PRIM2: variants seen among roughly 807,000 people sequenced by gnomAD.
The protein encoded by PRIM2 is DNA primase subunit 2.
PRIM2 carries 39 observed loss-of-function variants against 67.3 expected under a neutral mutation model. The observed-to-expected ratio is 0.58, with a 90% confidence interval of 0.45 to 0.76. PRIM2 has a LOEUF of 0.76. PRIM2 is among the 30% of genes least tolerant of loss of function. PRIM2 has a pLI of 0.00. For synonymous variants in PRIM2, 143 were observed against 198.7 expected, an observed-to-expected ratio of 0.72 and a Z score of 2.36; for missense variants, 398 against 598.7, an observed-to-expected ratio of 0.66 and a Z score of 3.50.
chr6:57,393,136 T>G lies in PRIM2; in HGVS notation c.693+10968T>G, dbSNP rs1464254326. Reference sequence around the variant, plus strand: ...TAAACATGCATGTGCAAATACCTTTTTCGAATAATGACTTCTTTTCCTCTG... The same window carrying G: ...TAAACATGCATGTGCAAATACCTTTGTCGAATAATGACTTCTTTTCCTCTG... On this transcript the variant is annotated intron_variant, in intron 7 of 13. Coordinates refer to ENST00000615550, the MANE Select transcript of PRIM2 (RefSeq NM_000947.5). Among the ~76,000 whole-genome samples the G allele has an allele frequency of 3.4e-5, 5 of 149,110 alleles. No individual in the cohort carries two copies. In the East Asian group the frequency reaches 9.6e-4, roughly 29 times the overall value.
chr6:57,344,481 A>C (rs1322679982), intron 5 of PRIM2, among the ~76,000 whole-genome samples: 1 of 151,628 alleles, frequency 6.6e-6, no homozygotes, highest in East Asian at 1.9e-4. Flanking sequence ...TAGAAAGAGC[A>C]CTGTGTATTT....
the PRIM2 span, among the ~76,000 whole-genome samples, chr6:57,273,405 C>T: frequency 6.6e-6 from 1 of 152,226 alleles, no homozygotes; most frequent in Non-Finnish European, 1.5e-5. Context: ...AGCCTATCTT[C>T]CAGTTGATCA....
chr6:57,360,715 C>T (rs1247369961), intron 5 of PRIM2, among the ~76,000 whole-genome samples: 2 of 152,110 alleles, frequency 1.3e-5, no homozygotes, highest in Non-Finnish European at 2.9e-5. Flanking sequence ...AGGCAAGAAA[C>T]AAAGTGAACA....
At chr6:57,504,551 T>A (rs1205694394) in intron 7 of PRIM2, among the ~76,000 whole-genome samples, 44 of 152,318 alleles carry the variant, frequency 2.9e-4, no homozygotes, top group African/African-American at 1.0e-3. Flanking sequence ...AAATAGGCTA[T>A]AAGTTATGCC....
At chr6:57,535,279 G>A (rs1240162659) in intron 9 of PRIM2, among the ~76,000 whole-genome samples, 1 of 152,252 alleles carries the variant, frequency 6.6e-6, no homozygotes, top group African/African-American at 2.4e-5. Flanking sequence ...GCATGACTGC[G>A]TGGTCATGGG....
the PRIM2 span, among the ~76,000 whole-genome samples, chr6:57,297,502 C>A: frequency 1.3e-5 from 2 of 152,102 alleles, no homozygotes; most frequent in Admixed American, 6.6e-5. Flanking sequence ...ATAATTGTTT[C>A]AATCAAGAAT....
intron 7 of PRIM2, among the ~76,000 whole-genome samples, chr6:57,462,815 C>T (rs1487825398): frequency 6.6e-6 from 1 of 152,154 alleles, no homozygotes; most frequent in African/African-American, 2.4e-5. Flanking sequence ...CAGTTATTAT[C>T]TGATTCCTCT....
chr6:57,431,911 T>C (rs1305445120), intron 7 of PRIM2, among the ~76,000 whole-genome samples: 24 of 152,162 alleles, frequency 1.6e-4, no homozygotes, highest in Admixed American at 9.8e-4. Flanking sequence ...ATTTTGGACT[T>C]AGTAAAATTG....
chr6:57,277,108 G>C, the PRIM2 span, among the ~76,000 whole-genome samples: 1 of 152,158 alleles, frequency 6.6e-6, no homozygotes, highest in South Asian at 2.1e-4. Flanking sequence ...GTTACCATCA[G>C]AGAGACTCAG....
chr6:57,386,045 T>C (rs1212064390), intron 7 of PRIM2, among the ~76,000 whole-genome samples: 1 of 151,908 alleles, frequency 6.6e-6, no homozygotes, highest in African/African-American at 2.4e-5. Context: ...TTGTAGGGTA[T>C]TGAGTATATC....
chr6:57,222,382 C>A, the PRIM2 span: 1 of 152,384 alleles, frequency 6.6e-6, no homozygotes, highest in Non-Finnish European at 1.5e-5. Context: ...GGGTGGCTGG[C>A]GGCGGCTCAG....
intron 8 of PRIM2, among the ~76,000 whole-genome samples, chr6:57,510,245 T>C (rs1243189898): frequency 2.0e-4 from 31 of 152,328 alleles, no homozygotes; most frequent in African/African-American, 7.2e-4. Context: ...AGGTATTATA[T>C]GTTTTGTTGA....
At chr6:57,292,520 A>G in the PRIM2 span, among the ~76,000 whole-genome samples, 5 of 152,230 alleles carry the variant, frequency 3.3e-5, no homozygotes, top group Non-Finnish European at 2.9e-5. Context: ...TGGAATCAAA[A>G]AAGAGCCCAC....
chr6:57,396,507 C>G (rs1770519733), intron 7 of PRIM2, among the ~76,000 whole-genome samples: 1 of 152,156 alleles, frequency 6.6e-6, no homozygotes, highest in Non-Finnish European at 1.5e-5. Context: ...CATGAAATGC[C>G]TTATTCCACC....
chr6:57,512,660 T>C (rs1210407615), intron 8 of PRIM2, among the ~76,000 whole-genome samples: 2 of 152,134 alleles, frequency 1.3e-5, no homozygotes, highest in Non-Finnish European at 1.5e-5. Flanking sequence ...TGCAATGGCA[T>C]GATCTCAGCT....
chr6:57,620,482 A>G (rs2127496782), intron 12 of PRIM2, among the ~76,000 whole-genome samples: 1 of 152,322 alleles, frequency 6.6e-6, no homozygotes, highest in East Asian at 1.9e-4. Flanking sequence ...ATATGAAGGA[A>G]AGATAACAGT....
At chr6:57,245,973 ATTTTGTGCCAACAGACTATTAT>A in the PRIM2 span, among the ~76,000 whole-genome samples, 2 of 152,212 alleles carry the variant, frequency 1.3e-5, no homozygotes, top group African/African-American at 4.8e-5. Context: ...TCTAATTCTG[ATTTTGTGCCAACAGACTATTAT>A]TTTTGTGCTT....
chr6:57,430,739 G>A (rs1294036924), intron 7 of PRIM2, among the ~76,000 whole-genome samples: 8 of 152,216 alleles, frequency 5.3e-5, no homozygotes, highest in Admixed American at 4.6e-4. Context: ...GGGATTACAG[G>A]TGTCAGTCAC....
At chr6:57,250,458 A>G in the PRIM2 span, among the ~76,000 whole-genome samples, 1 of 152,238 alleles carries the variant, frequency 6.6e-6, no homozygotes, top group Admixed American at 6.5e-5. Flanking sequence ...ATATAGATAT[A>G]TAAGATTACA....
Sources: gnomAD v4.1 joint callset for allele counts (sites outside exome capture counted in the v4.1 genomes callset) on GRCh38, gnomAD v4.1.1 for gene constraint, MANE v1.5 for transcripts, NCBI Gene and HGNC (gene_info 2026-07-23, HGNC 2026-07-21) for gene names.